The following VEPH1 variants were observed in gnomAD, a reference collection of about 807,000 sequenced individuals.
The protein encoded by VEPH1 is ventricular zone-expressed PH domain-containing protein homolog 1.
Under a neutral mutation model 85.2 loss-of-function variants are expected in VEPH1, and 80 were observed. The ratio of observed to expected loss-of-function variants is 0.94; its 90% CI spans 0.78 to 1.13. VEPH1 has a LOEUF of 1.13. VEPH1 is among the 50% of genes most tolerant of loss of function. VEPH1 has a pLI of 0.00. For synonymous variants in VEPH1, 297 were observed against 348.0 expected (o/e 0.85, Z 1.63); for missense variants, 955 against 980.5 (o/e 0.97, Z 0.35).
At chr3:157,482,179 T>A (rs116759217) in intron 2 of VEPH1, among the ~76,000 whole-genome samples, 168 of 152,250 alleles carry the variant, frequency 1.1e-3, no homozygotes, top group Middle Eastern at 3.4e-3. Flanking sequence ...TATATGAATT[T>A]TAGAATAGGT....
intron 4 of VEPH1, among the ~76,000 whole-genome samples, chr3:157,454,848 CAT>C (rs969520336): frequency 1.3e-5 from 2 of 152,092 alleles, no homozygotes; most frequent in African/African-American, 4.8e-5. Flanking sequence ...TAAGTGAAAA[CAT>C]GTGGTATCTG....
At chr3:157,286,807 T>C (rs1012106645) in intron 11 of VEPH1, 133 bp from the exon 12 acceptor site, 3 of 720,544 alleles carry the variant, frequency 4.2e-6, no homozygotes, top group African/African-American at 1.8e-5. Flanking sequence ...AGAGGCAGCA[T>C]TGAAAAAATT....
At chr3:157,377,937 CATAT>C in intron 7 of VEPH1, among the ~76,000 whole-genome samples, 1 of 152,154 alleles carries the variant, frequency 6.6e-6, no homozygotes, top group Non-Finnish European at 1.5e-5. Flanking sequence ...AAGCTTTTCA[CATAT>C]ATAATCTCAG....
chr3:157,362,368 C>T (rs769657228), intron 9 of VEPH1, among the ~76,000 whole-genome samples: 6 of 152,064 alleles, frequency 3.9e-5, no homozygotes, highest in Non-Finnish European at 5.9e-5. Context: ...AATTTGTGTG[C>T]CTGAGGAAGG....
intron 11 of VEPH1, among the ~76,000 whole-genome samples, chr3:157,300,135 G>T (rs985101407): frequency 1.3e-5 from 2 of 152,048 alleles, no homozygotes; most frequent in Non-Finnish European, 2.9e-5. Context: ...TATTCTAATA[G>T]TATAGTGCCT....
At chr3:157,409,881 C>T in intron 6 of VEPH1, 1 of 985,382 alleles carries the variant, frequency 1.0e-6, no homozygotes, top group Non-Finnish European at 1.2e-6. Context: ...AGACTCTGCT[C>T]TTCTTAAAGA....
At chr3:157,383,547 T>G (rs1000729396) in intron 6 of VEPH1, among the ~76,000 whole-genome samples, 9 of 152,348 alleles carry the variant, frequency 5.9e-5, no homozygotes, top group African/African-American at 2.2e-4. Flanking sequence ...AGTAGTGAAG[T>G]TCCCTCATTT....
chr3:157,295,539 A>T (rs1718015563), intron 11 of VEPH1, among the ~76,000 whole-genome samples: 1 of 152,178 alleles, frequency 6.6e-6, no homozygotes, highest in South Asian at 2.1e-4. Context: ...GAGAGAAGGT[A>T]TTACTTCCCA....
chr3:157,464,589 A>G (rs1405567648), intron 3 of VEPH1, among the ~76,000 whole-genome samples: 1 of 152,198 alleles, frequency 6.6e-6, no homozygotes, highest in East Asian at 1.9e-4. Flanking sequence ...CGTGGGGACA[A>G]TTTAGCTGTA....
chr3:157,426,445 A>C (rs1732761045), intron 5 of VEPH1, among the ~76,000 whole-genome samples: 2 of 152,212 alleles, frequency 1.3e-5, no homozygotes, highest in South Asian at 4.1e-4. Flanking sequence ...TGAGAAATCA[A>C]AATAGAGAAA....
chr3:157,430,853 C>G (rs1389090185), intron 4 of VEPH1, among the ~76,000 whole-genome samples: 2 of 152,168 alleles, frequency 1.3e-5, no homozygotes, highest in African/African-American at 2.4e-5. Flanking sequence ...CCTAAAATAA[C>G]ACAAATTTAT....
intron 7 of VEPH1, among the ~76,000 whole-genome samples, chr3:157,377,442 G>A (rs1164246561): frequency 6.6e-6 from 1 of 151,548 alleles, no homozygotes; most frequent in Non-Finnish European, 1.5e-5. Context: ...CTTTTCATGG[G>A]GAAATTGTTC....
chr3:157,472,054 A>G (rs1444910151), intron 2 of VEPH1, among the ~76,000 whole-genome samples: 3 of 152,218 alleles, frequency 2.0e-5, no homozygotes, highest in Non-Finnish European at 1.5e-5. Context: ...CCCCTTCCTC[A>G]GCGGGAGCCA....
chr3:157,308,502 A>G (rs1418240170), intron 11 of VEPH1, among the ~76,000 whole-genome samples: 16 of 151,954 alleles, frequency 1.1e-4, no homozygotes, highest in Admixed American at 9.2e-4. Flanking sequence ...AATTCTTTCC[A>G]TAAAAGTGGA....
At position 157,484,288 on chromosome 3, in the gene VEPH1, T is replaced by G. The variant is rs572148773; in HGVS notation, c.138+10924A>C. ...GAGTTTATCATTAACAGACCTTCAC[T>G]GAAGGAACTTCCTTTTCCCCAAAGA... is the stretch of plus-strand genomic sequence containing the variant. On this transcript the variant is annotated intron_variant, in intron 2 of 13. Transcript: ENST00000362010. Among the ~76,000 whole-genome samples, 12 of 152,304 alleles carry G rather than the reference T, an allele frequency of 7.9e-5. No homozygotes were observed. The South Asian group carries it at 2.5e-3, about 32-fold the overall frequency.
At chr3:157,356,561 T>A (rs766969602) in intron 9 of VEPH1, among the ~76,000 whole-genome samples, 20 of 152,188 alleles carry the variant, frequency 1.3e-4, no homozygotes, top group Non-Finnish European at 2.5e-4. Context: ...GAGGAAATAA[T>A]CTACCCTCCT....
At chr3:157,340,854 T>C (rs1045487808) in intron 9 of VEPH1, among the ~76,000 whole-genome samples, 2 of 152,182 alleles carry the variant, frequency 1.3e-5, no homozygotes, top group Non-Finnish European at 2.9e-5. Flanking sequence ...GGCAGCAACA[T>C]TTGCTGTTCA....
chr3:157,411,743 G>A (rs565321514), intron 6 of VEPH1, among the ~76,000 whole-genome samples: 1 of 152,220 alleles, frequency 6.6e-6, no homozygotes, highest in South Asian at 2.1e-4. Context: ...TGTTTGTTTT[G>A]GGGGAAAAAG....
intron 1 of VEPH1, among the ~76,000 whole-genome samples, chr3:157,497,042 C>T (rs907961671): frequency 6.6e-6 from 1 of 152,172 alleles, no homozygotes; most frequent in African/African-American, 2.4e-5. Flanking sequence ...AGTTAAATAA[C>T]TGCTAAAGCC....
Sources: gnomAD v4.1 joint callset for allele counts (sites outside exome capture counted in the v4.1 genomes callset) on GRCh38, gnomAD v4.1.1 for gene constraint, MANE v1.5 for transcripts, NCBI Gene and HGNC (gene_info 2026-07-23, HGNC 2026-07-21) for gene names.